Variants in ZFHX4 observed in about 807,000 individuals in gnomAD.
The protein encoded by ZFHX4 is zinc finger homeobox protein 4.
In ZFHX4, 56 loss-of-function variants were observed where a neutral mutation model predicts 267.6. The observed-to-expected ratio is 0.21, with a 90% CI of 0.17 to 0.26. The LOEUF is 0.26. ZFHX4 is among the 10% of genes least tolerant of loss of function. The probability of loss-of-function intolerance (pLI) is 1.00; values close to 1 mark genes in which losing one functional copy is unlikely to be tolerated. For synonymous variants in ZFHX4, 1,778 were observed against 1,665.6 expected, an observed-to-expected ratio of 1.07 and a Z score of -1.64; for missense variants, 4,332 against 4,420.0, an observed-to-expected ratio of 0.98 and a Z score of 0.56.
chr8:76,693,674 G>T (rs1412606449), intron 1 of ZFHX4, among the ~76,000 whole-genome samples: 1 of 152,180 alleles, frequency 6.6e-6, no homozygotes, highest in Non-Finnish European at 1.5e-5. Context: ...TACAATTCCT[G>T]TGCTGACTGC....
intron 3 of ZFHX4, among the ~76,000 whole-genome samples, chr8:76,744,124 T>C (rs1019077432): frequency 6.6e-6 from 1 of 152,040 alleles, no homozygotes; most frequent in Admixed American, 6.6e-5. Flanking sequence ...GGTGGGTGGA[T>C]CACCTGAGGT....
intron 1 of ZFHX4, among the ~76,000 whole-genome samples, chr8:76,690,208 T>G (rs1211442139): frequency 6.6e-6 from 1 of 152,074 alleles, no homozygotes; most frequent in East Asian, 1.9e-4. Flanking sequence ...CTGCAAATAT[T>G]TACTCAGGTC....
chr8:76,724,599 A>G (rs1808805139), intron 3 of ZFHX4, among the ~76,000 whole-genome samples: 1 of 152,128 alleles, frequency 6.6e-6, no homozygotes, highest in South Asian at 2.1e-4. Context: ...ACTTTAGTGA[A>G]CTGTTGGGCC....
intron 3 of ZFHX4, among the ~76,000 whole-genome samples, chr8:76,770,502 G>A (rs1226681758): frequency 1.3e-5 from 2 of 151,980 alleles, no homozygotes; most frequent in African/African-American, 4.8e-5. Context: ...CACATTTATT[G>A]AGCATATAGC....
intron 4 of ZFHX4, among the ~76,000 whole-genome samples, chr8:76,822,635 G>A (rs573430872): frequency 1.3e-5 from 2 of 151,590 alleles, no homozygotes; most frequent in African/African-American, 4.8e-5. Context: ...TAGAGATGGG[G>A]TCTTACTGTC....
chr8:76,712,152 C>T lies in ZFHX4; in HGVS notation c.3093+4104C>T, dbSNP rs980346289. On this transcript the variant is annotated intron_variant, in intron 3 of 10. Coordinates refer to ENST00000651372, the MANE Select transcript of ZFHX4 (RefSeq NM_024721.5). ...AAGCAGTGAACAAATTGCCTGTCTC[C>T]ATGGTGAGCAAAGGAACACACTTGG... is the stretch of plus-strand genomic sequence containing the variant. Among the ~76,000 whole-genome samples, 9 of 152,086 alleles carry T rather than the reference C, an allele frequency of 5.9e-5. No homozygotes were observed. In the South Asian group the frequency reaches 1.9e-3, roughly 32 times the overall value.
chr8:76,821,420 G>A (rs748222469), intron 4 of ZFHX4, among the ~76,000 whole-genome samples: 2 of 152,070 alleles, frequency 1.3e-5, no homozygotes, highest in Admixed American at 6.6e-5. Flanking sequence ...GCTCCAATCA[G>A]GGACTCTGTT....
chr8:76,706,026 T>C lies in ZFHX4; in HGVS notation c.1938T>C (p.Cys646=). 6.2e-7 allele frequency: 1 copy of C among 1,613,044 alleles called. No homozygotes were observed. The highest frequency in any genetic ancestry group is 8.5e-7 in the Non-Finnish European group (1 of 1,179,698). ...GGAACTCATGCAAAACCCTCAAATGTCCTAAATGTAACTGGCACTACAAAT... is the reference window on the plus strand; with the variant it reads ...GGAACTCATGCAAAACCCTCAAATGCCCTAAATGTAACTGGCACTACAAAT... The part of the protein sequence containing the change: ...HSRNSCKTLK[C]PKCNWHYKYQ... The change falls in exon 2 of 11, where the codon TGT becomes TGC. Residue 646 remains cysteine (C), a synonymous_variant. Transcript: ENST00000651372.
chr8:76,741,044 A>G (rs1809302867), intron 3 of ZFHX4, among the ~76,000 whole-genome samples: 1 of 152,166 alleles, frequency 6.6e-6, no homozygotes, highest in South Asian at 2.1e-4. Flanking sequence ...AGGAGTGGTG[A>G]TAAGAAAGGA....
At chr8:76,727,630 A>G (rs991429245) in intron 3 of ZFHX4, among the ~76,000 whole-genome samples, 1 of 152,186 alleles carries the variant, frequency 6.6e-6, no homozygotes, top group African/African-American at 2.4e-5. Context: ...GAACTTGACA[A>G]TTCATAGTAG....
chr8:76,748,548 C>T (rs1809523041), intron 3 of ZFHX4, among the ~76,000 whole-genome samples: 2 of 152,200 alleles, frequency 1.3e-5, no homozygotes, highest in African/African-American at 4.8e-5. Context: ...GATCCTCCCA[C>T]CTCAGCCTCC....
intron 10 of ZFHX4, among the ~76,000 whole-genome samples, chr8:76,862,787 G>A (rs1187962258): frequency 6.6e-6 from 1 of 152,142 alleles, no homozygotes; most frequent in Admixed American, 6.6e-5. Flanking sequence ...TATAGTTCAC[G>A]ATGATGTTTT....
intron 3 of ZFHX4, among the ~76,000 whole-genome samples, chr8:76,721,093 A>G (rs963794738): frequency 6.6e-5 from 10 of 152,246 alleles, no homozygotes; most frequent in Admixed American, 5.9e-4. Context: ...TGAGGGGGAC[A>G]TGTATCTCCT....
rs76943014 is a variant in ZFHX4 at position 76,776,810 on chromosome 8, G to C, written c.3094-1398G>C. ...TTTGATTTTTTAAAAAATACTAAAA[G>C]TGTCCATGAGCGTTAACCAAATATA... On this transcript the variant is annotated intron_variant, in intron 3 of 10. Coordinates refer to ENST00000651372, the MANE Select transcript of ZFHX4 (RefSeq NM_024721.5). 3.2e-3 allele frequency among the ~76,000 whole-genome samples: 480 copies of C among 152,162 alleles called. 1 individual carries two copies. The highest frequency in any genetic ancestry group is 0.011 in the African/African-American group (453 of 41,504).
chr8:76,699,015 T>G (rs1808032024), intron 1 of ZFHX4, among the ~76,000 whole-genome samples: 1 of 152,164 alleles, frequency 6.6e-6, no homozygotes, highest in South Asian at 2.1e-4. Context: ...TAATGCAGTA[T>G]AATTGTCTGG....
chr8:76,813,442 T>C (rs534832328), intron 4 of ZFHX4, among the ~76,000 whole-genome samples: 112 of 152,116 alleles, frequency 7.4e-4, no homozygotes, highest in Non-Finnish European at 2.5e-4. Flanking sequence ...AAATTTGTGG[T>C]TGAGATTTTT....
chr8:76,782,413 A>C (rs1216620836), intron 4 of ZFHX4, among the ~76,000 whole-genome samples: 3 of 152,016 alleles, frequency 2.0e-5, no homozygotes, highest in Non-Finnish European at 4.4e-5. Flanking sequence ...GAGCGTATTT[A>C]AAGATTACAT....
chr8:76,790,453 A>G (rs1361012094), intron 4 of ZFHX4, among the ~76,000 whole-genome samples: 1 of 152,144 alleles, frequency 6.6e-6, no homozygotes, highest in Non-Finnish European at 1.5e-5. Flanking sequence ...TAAAAGTGCT[A>G]TTATTGAAAG....
At chr8:76,753,953 A>G (rs1246161170) in intron 3 of ZFHX4, among the ~76,000 whole-genome samples, 1 of 149,506 alleles carries the variant, frequency 6.7e-6, no homozygotes, top group East Asian at 2.0e-4. Context: ...CAAAAAAATT[A>G]TTTTATAAGT....
Sources: allele counts gnomAD v4.1 joint callset (sites outside exome capture counted in the v4.1 genomes callset), GRCh38; gene constraint gnomAD v4.1.1; transcripts MANE v1.5; gene names NCBI Gene and HGNC (gene_info 2026-07-23, HGNC 2026-07-21).